The following PRKG1 variants were observed in gnomAD, a reference collection of about 807,000 sequenced individuals.
The protein encoded by PRKG1 is protein kinase cGMP-dependent 1.
Under a neutral mutation model 88.1 loss-of-function variants are expected in PRKG1, and 35 were observed. The observed-to-expected ratio is 0.40, with a 90% CI of 0.30 to 0.53. The LOEUF is 0.53. PRKG1 is among the 20% of genes least tolerant of loss of function. The probability of loss-of-function intolerance (pLI) is 0.59; values close to 1 mark genes in which losing one functional copy is unlikely to be tolerated. For missense variants in PRKG1, 540 were observed against 839.8 expected (o/e 0.64, Z 4.41); for synonymous variants, 303 against 292.5 (o/e 1.04, Z -0.37).
At chr10:51,525,623 A>G (rs1056840170) in intron 3 of PRKG1, among the ~76,000 whole-genome samples, 4 of 152,124 alleles carry the variant, frequency 2.6e-5, no homozygotes, top group East Asian at 1.9e-4. Flanking sequence ...GCGTGAACCC[A>G]GGAGGCAGAG....
chr10:51,263,765 A>G (rs1839774351), intron 2 of PRKG1, among the ~76,000 whole-genome samples: 1 of 152,216 alleles, frequency 6.6e-6, no homozygotes, highest in Non-Finnish European at 1.5e-5. Context: ...GAAAGAATAA[A>G]TGCTAGTGCT....
rs149997027 is a variant in PRKG1 at position 51,336,597 on chromosome 10, A to G, written c.479-131126A>G. On this transcript the variant is annotated intron_variant, in intron 2 of 17. Coordinates refer to ENST00000373980, the MANE Select transcript of PRKG1 (RefSeq NM_006258.4). ...TAAAACAGTGTTTTCTGCAACCGCT[A>G]CCATCCCAGTTATACCTGGCATAGA... is the stretch of plus-strand genomic sequence containing the variant. 1.3e-4 allele frequency among the ~76,000 whole-genome samples: 20 copies of G among 152,286 alleles called. No homozygotes were observed. The East Asian group carries it at 2.5e-3, about 19-fold the overall frequency.
At chr10:51,890,565 T>C (rs1437139763) in intron 4 of PRKG1, among the ~76,000 whole-genome samples, 1 of 152,194 alleles carries the variant, frequency 6.6e-6, no homozygotes. Flanking sequence ...ATATAAATAA[T>C]TGTGTGAATT....
intron 3 of PRKG1, among the ~76,000 whole-genome samples, chr10:51,625,408 C>A (rs946640408): frequency 6.6e-6 from 1 of 152,136 alleles, no homozygotes; most frequent in Non-Finnish European, 1.5e-5. Flanking sequence ...ACCCGTGAGA[C>A]AGAGGTTGCA....
chr10:51,338,718 T>A (rs1841935615), intron 2 of PRKG1, among the ~76,000 whole-genome samples: 1 of 152,238 alleles, frequency 6.6e-6, no homozygotes, highest in African/African-American at 2.4e-5. Context: ...TCATTTCAGA[T>A]AAATCTGGGG....
rs200499458 is a variant in PRKG1 at position 52,244,704 on chromosome 10, TAATA to T, written c.1077-6860_1077-6857del. On this transcript the variant is annotated intron_variant, in intron 9 of 17. Coordinates refer to ENST00000373980, the MANE Select transcript of PRKG1 (RefSeq NM_006258.4). ...ATATATTAAATAATATATTAATAAT[TAATA>T]AATAATACTTTAAAAATATATACTT... 0.035 allele frequency among the ~76,000 whole-genome samples: 4,428 copies of T among 127,778 alleles called. 485 individuals are homozygous for T. The East Asian group carries it at 0.38, about 11-fold the overall frequency. The allele number at this position is 127,778 out of a possible 152,430, so 83.8% of individuals were successfully genotyped here.
At chr10:52,070,220 T>C (rs2133284184) in intron 7 of PRKG1, among the ~76,000 whole-genome samples, 1 of 152,350 alleles carries the variant, frequency 6.6e-6, no homozygotes, top group Non-Finnish European at 1.5e-5. Context: ...ACCTCATTTC[T>C]TTTAGATTTA....
chr10:51,999,898 A>C (rs940072158), intron 5 of PRKG1, among the ~76,000 whole-genome samples: 1 of 152,154 alleles, frequency 6.6e-6, no homozygotes, highest in African/African-American at 2.4e-5. Context: ...AAGACTAAAG[A>C]ATAATGAAGT....
chr10:51,361,761 A>G (rs1842485825), intron 2 of PRKG1, among the ~76,000 whole-genome samples: 1 of 151,868 alleles, frequency 6.6e-6, no homozygotes, highest in African/African-American at 2.4e-5. Flanking sequence ...AAGTGCAAGC[A>G]GAAACACTGC....
At chr10:51,191,232 C>A (rs1052853344) in intron 2 of PRKG1, among the ~76,000 whole-genome samples, 1 of 151,750 alleles carries the variant, frequency 6.6e-6, no homozygotes, top group South Asian at 2.1e-4. Flanking sequence ...TCCTGAGAAC[C>A]AGAACCACAT....
intron 3 of PRKG1, among the ~76,000 whole-genome samples, chr10:51,794,200 T>C (rs1179210716): frequency 6.6e-6 from 1 of 152,108 alleles, no homozygotes; most frequent in African/African-American, 2.4e-5. Flanking sequence ...CTTAAATATA[T>C]AAACAAATGT....
At chr10:51,819,206 A>C (rs1839679513) in intron 4 of PRKG1, among the ~76,000 whole-genome samples, 1 of 151,946 alleles carries the variant, frequency 6.6e-6, no homozygotes, top group Admixed American at 6.6e-5. Context: ...TATAGAGATC[A>C]CATGGTGAGA....
intron 1 of PRKG1, among the ~76,000 whole-genome samples, chr10:51,122,820 A>G (rs1845295409): frequency 1.3e-5 from 2 of 152,178 alleles, no homozygotes. Flanking sequence ...TGCATACTAC[A>G]AAATAGACCA....
intron 3 of PRKG1, among the ~76,000 whole-genome samples, chr10:51,519,433 T>C (rs1261080513): frequency 6.6e-6 from 1 of 152,092 alleles, no homozygotes; most frequent in East Asian, 1.9e-4. Context: ...CATCTTCTCC[T>C]CTTAAGGTAC....
intron 3 of PRKG1, among the ~76,000 whole-genome samples, chr10:51,546,861 C>T (rs559547606): frequency 1.3e-5 from 2 of 152,126 alleles, no homozygotes; most frequent in South Asian, 2.1e-4. Context: ...TCAAAAAATG[C>T]CTCCACTTTA....
At chr10:52,189,220 G>A (rs577654269) in intron 9 of PRKG1, among the ~76,000 whole-genome samples, 131 of 152,294 alleles carry the variant, frequency 8.6e-4, no homozygotes, top group Non-Finnish European at 1.0e-3. Flanking sequence ...GTTACTTGTA[G>A]CATTATAAGA....
chr10:51,661,510 A>C (rs181029121), intron 3 of PRKG1, among the ~76,000 whole-genome samples: 1 of 152,306 alleles, frequency 6.6e-6, no homozygotes, highest in East Asian at 1.9e-4. Flanking sequence ...AGAGAGATGC[A>C]AATCAAAACC....
rs200994256 is a variant in PRKG1 at position 51,295,541 on chromosome 10, A to G, written c.478+142211A>G. ...CATTTTTTTTCTTTTTTTGTAGTCT[A>G]TAGAGTTTTCTACATATATGATCAT... is the stretch of plus-strand genomic sequence containing the variant. On this transcript the variant is annotated intron_variant, in intron 2 of 17. Coordinates refer to ENST00000373980, the MANE Select transcript of PRKG1 (RefSeq NM_006258.4). Among the ~76,000 whole-genome samples the G allele has an allele frequency of 2.6e-4, 40 of 152,106 alleles. No individual in the cohort carries two copies. In the East Asian group the frequency reaches 7.3e-3, roughly 28 times the overall value.
intron 2 of PRKG1, among the ~76,000 whole-genome samples, chr10:51,311,050 A>T (rs1841172574): frequency 6.6e-6 from 1 of 152,098 alleles, no homozygotes; most frequent in South Asian, 2.1e-4. Flanking sequence ...AGGAAAGGTC[A>T]CTATGGGTGC....
Sources: gnomAD v4.1 joint callset for allele counts (sites outside exome capture counted in the v4.1 genomes callset) on GRCh38, gnomAD v4.1.1 for gene constraint, MANE v1.5 for transcripts, NCBI Gene and HGNC (gene_info 2026-07-23, HGNC 2026-07-21) for gene names.